The following PPP3CC variants were observed in gnomAD, a reference collection of about 807,000 sequenced individuals.
PPP3CC encodes protein phosphatase 3 catalytic subunit gamma.
Under a neutral mutation model 60.3 loss-of-function variants are expected in PPP3CC, and 35 were observed. That is an observed-to-expected ratio of 0.58 (90% confidence interval 0.44 to 0.77). PPP3CC has a LOEUF of 0.77. Among genes scored for constraint, PPP3CC ranks in the 30% least tolerant of loss-of-function variants. The probability of loss-of-function intolerance (pLI) is 0.00; values close to 1 mark genes in which losing one functional copy is unlikely to be tolerated. For missense variants in PPP3CC, 570 were observed against 628.9 expected, an observed-to-expected ratio of 0.91 and a Z score of 1.00; for synonymous variants, 206 against 224.3, an observed-to-expected ratio of 0.92 and a Z score of 0.73.
At chr8:22,501,637 C>T (rs2132519480) in intron 4 of PPP3CC, among the ~76,000 whole-genome samples, 1 of 152,146 alleles carries the variant, frequency 6.6e-6, no homozygotes, top group East Asian at 1.9e-4. Context: ...TGCTTTTTTC[C>T]AGGCCGGCCT....
At chr8:22,534,842 C>T (rs771140088) in intron 12 of PPP3CC, among the ~76,000 whole-genome samples, 3 of 152,170 alleles carry the variant, frequency 2.0e-5, no homozygotes, top group African/African-American at 4.8e-5. Flanking sequence ...ATAGACATTA[C>T]AGAAAACTGC....
chr8:22,491,380 T>C (rs545348213), intron 3 of PPP3CC, among the ~76,000 whole-genome samples: 1 of 152,296 alleles, frequency 6.6e-6, no homozygotes, highest in Non-Finnish European at 1.5e-5. Context: ...GCCAATATAA[T>C]GGGTATAAAG....
chr8:22,493,074 A>G (rs1402085449), intron 3 of PPP3CC: 3 of 1,529,192 alleles, frequency 2.0e-6, no homozygotes, highest in South Asian at 1.1e-5. Context: ...GGCTTCCAAG[A>G]TGGAGAATTT....
Position 22,456,806 on chromosome 8 carries a change from T to C in PPP3CC, c.49+15348T>C, listed in dbSNP as rs144164010. Among the ~76,000 whole-genome samples the C allele has an allele frequency of 8.6e-3, 1,315 of 152,334 alleles. 9 individuals are homozygous for C. Among genetic ancestry groups the C allele is most frequent in the Middle Eastern group, 0.044 (13 of 294 alleles). Reference sequence around the variant, plus strand: ...ATAGTTTGGCTATTGTTTTTAATCATGTGCAAACCTGGTTTGATTAAGGTT... The same window carrying C: ...ATAGTTTGGCTATTGTTTTTAATCACGTGCAAACCTGGTTTGATTAAGGTT... On this transcript the variant is annotated intron_variant, in intron 1 of 13. Transcript: ENST00000240139.
At chr8:22,473,656 G>A (rs1837798447) in intron 1 of PPP3CC, among the ~76,000 whole-genome samples, 1 of 151,834 alleles carries the variant, frequency 6.6e-6, no homozygotes, top group African/African-American at 2.4e-5. Flanking sequence ...TAAAGACAGG[G>A]TTTCACCATG....
At chr8:22,496,205 T>TA (rs1838575343) in intron 3 of PPP3CC, among the ~76,000 whole-genome samples, 2 of 152,068 alleles carry the variant, frequency 1.3e-5, no homozygotes, top group Non-Finnish European at 2.9e-5. Flanking sequence ...GTAGGTACTT[T>TA]TATACTATAT....
rs773289722 is a variant in PPP3CC at position 22,540,766 on chromosome 8, G to A, written c.1503G>A (p.Ala501=). 6.8e-6 allele frequency: 11 copies of A among 1,613,164 alleles called. No homozygotes were observed. Among genetic ancestry groups the A allele is most frequent in the South Asian group, 4.4e-5 (4 of 90,968 alleles). ...TAACCTCAGCACACTCACATGCTGC[G>A]CACAGGAGCGACCAAGGGAAGAAAG... ...KSVTSAHSHA[A]HRSDQGKKAH... is the part of the protein sequence containing the mutation. Residue 501 remains alanine (A), a synonymous_variant, in exon 14 of 14, where the codon GCG becomes GCA. Transcript: ENST00000240139.
chr8:22,517,029 C>A (rs1034069506), intron 6 of PPP3CC, among the ~76,000 whole-genome samples: 1 of 152,050 alleles, frequency 6.6e-6, no homozygotes, highest in Admixed American at 6.6e-5. Context: ...CGGAGCCTCA[C>A]AGGAACTTCA....
intron 1 of PPP3CC, among the ~76,000 whole-genome samples, chr8:22,452,229 A>G (rs1279577586): frequency 6.6e-6 from 1 of 151,972 alleles, no homozygotes; most frequent in Admixed American, 6.6e-5. Flanking sequence ...TTGTAGTGAC[A>G]GGGTCTTGCT....
chr8:22,503,037 A>G (rs1335475071), intron 4 of PPP3CC, among the ~76,000 whole-genome samples: 1 of 151,940 alleles, frequency 6.6e-6, no homozygotes, highest in South Asian at 2.1e-4. Flanking sequence ...CCTCTCTAGT[A>G]TTGTTTGAAT....
chr8:22,533,962 G>A (rs918735392), intron 12 of PPP3CC, among the ~76,000 whole-genome samples: 1 of 152,162 alleles, frequency 6.6e-6, no homozygotes, highest in African/African-American at 2.4e-5. Flanking sequence ...ACTTTGGGAG[G>A]CTGAGGCAGG....
At position 22,475,120 on chromosome 8, in the gene PPP3CC, G is replaced by C; in HGVS notation, c.216G>C (p.Lys72Asn). ...GGGCTGCCATCCTGAGGCAAGAGAA[G>C]ACTATGATAGAAGTAGATGCTCCAA... ...NDGAAILRQE[K>N]TMIEVDAPIT... Residue 72 changes from lysine (K) to asparagine (N), a missense_variant, in exon 2 of 14, where the codon AAG (lysine) becomes AAC (asparagine). By Grantham distance (94) the Lys-to-Asn change is moderately conservative. Transcript: ENST00000240139. 6.2e-7 allele frequency: 1 copy of C among 1,612,656 alleles called. No homozygotes were observed. Among genetic ancestry groups the C allele is most frequent in the East Asian group, 2.2e-5 (1 of 44,822 alleles).
At chr8:22,474,504 G>A (rs1182186787) in intron 1 of PPP3CC, among the ~76,000 whole-genome samples, 1 of 152,026 alleles carries the variant, frequency 6.6e-6, no homozygotes, top group Non-Finnish European at 1.5e-5. Flanking sequence ...AGGAGTTCGA[G>A]AGCAGGCTGG....
In PPP3CC at chr8:22,502,759, G is replaced by C. The variant is rs375659331; in HGVS notation, c.484+4647G>C. 3.2e-4 allele frequency among the ~76,000 whole-genome samples: 48 copies of C among 152,264 alleles called. No homozygotes were observed. In the South Asian group the frequency reaches 8.9e-3, roughly 28 times the overall value. On this transcript the variant is annotated intron_variant, in intron 4 of 13. Coordinates refer to ENST00000240139, the MANE Select transcript of PPP3CC (RefSeq NM_005605.5). ...GGAGAGATGCTAAGATATTTTATAA[G>C]GCATTTGCAGAGCATGTAAATGGTC...
chr8:22,475,008 G>A lies in PPP3CC; in HGVS notation c.104G>A (p.Gly35Glu). Residue 35 changes from glycine (G) to glutamate (E), a missense_variant, in exon 2 of 14, where the codon GGG becomes GAG. Transcript: ENST00000240139. The stretch of plus-strand genomic sequence containing the variant: ...ACTTTCAAGGAAGTATTTGAGAATG[G>A]GAAACCTAAAGTTGATGTTTTAAAA... ...RLTFKEVFEN[G>E]KPKVDVLKNH... 6.2e-7 allele frequency: 1 copy of A among 1,611,398 alleles called. No homozygotes were observed. Among genetic ancestry groups the A allele is most frequent in the Non-Finnish European group, 8.5e-7 (1 of 1,178,404 alleles).
At chr8:22,518,378 A>G (rs948444895) in intron 6 of PPP3CC, among the ~76,000 whole-genome samples, 2 of 152,118 alleles carry the variant, frequency 1.3e-5, no homozygotes, top group Non-Finnish European at 2.9e-5. Flanking sequence ...TGTAGTTTCT[A>G]TGTATTTGTG....
At position 22,511,763 on chromosome 8, in the gene PPP3CC, C is replaced by G. The variant is rs549722997; in HGVS notation, c.630+532C>G. Among the ~76,000 whole-genome samples the G allele has an allele frequency of 3.3e-5, 5 of 152,282 alleles. 1 individual carries two copies. The South Asian group carries it at 1.0e-3, about 32-fold the overall frequency. On this transcript the variant is annotated intron_variant, in intron 5 of 13. Transcript: ENST00000240139. Reference sequence around the variant, plus strand: ...ATGTTTTTACCAACTAGAAAGCTAACATTCTTGTAGTATAGTCCTGAAACT... The same window carrying G: ...ATGTTTTTACCAACTAGAAAGCTAAGATTCTTGTAGTATAGTCCTGAAACT...
chr8:22,484,715 A>G (rs906327192), intron 3 of PPP3CC, among the ~76,000 whole-genome samples: 10 of 152,214 alleles, frequency 6.6e-5, no homozygotes, highest in African/African-American at 2.4e-4. Flanking sequence ...CATTCCTTTT[A>G]CTGTGGGCAG....
Position 22,522,521 on chromosome 8 carries a change from C to T in PPP3CC, c.801C>T (p.Asn267=), listed in dbSNP as rs747028980. ...SYPAVCEFLQ[N]NNLLSIIRAH... is the part of the protein sequence containing the mutation. ...CTGCAGTTTGTGAATTTTTGCAGAA[C>T]AATAATTTACTATCAATTATCAGAG... The change falls in exon 7 of 14, where the codon AAC becomes AAT. Residue 267 remains asparagine (N), a synonymous_variant. Coordinates refer to ENST00000240139, the MANE Select transcript of PPP3CC (RefSeq NM_005605.5). 1 of 1,611,826 alleles carries T rather than the reference C, an allele frequency of 6.2e-7. No individual in the cohort carries two copies. The highest frequency in any genetic ancestry group is 8.5e-7 in the Non-Finnish European group (1 of 1,179,096).
Sources: allele counts gnomAD v4.1 joint callset (sites outside exome capture counted in the v4.1 genomes callset), GRCh38; gene constraint gnomAD v4.1.1; transcripts MANE v1.5; gene names NCBI Gene and HGNC (gene_info 2026-07-23, HGNC 2026-07-21).